CDH13: variants seen among roughly 807,000 people sequenced by gnomAD.
CDH13 encodes cadherin-13.
CDH13 carries 24 observed loss-of-function variants against 63.8 expected under a neutral mutation model. The ratio of observed to expected loss-of-function variants is 0.38; its 90% CI spans 0.27 to 0.53. The LOEUF is 0.53. CDH13 is among the 20% of genes least tolerant of loss of function. CDH13 has a pLI of 0.85. For synonymous variants in CDH13, 503 were observed against 355.3 expected, an observed-to-expected ratio of 1.42 and a Z score of -4.67; for missense variants, 1,049 against 903.1, an observed-to-expected ratio of 1.16 and a Z score of -2.07.
At chr16:83,292,964 A>T (rs1335770361) in intron 5 of CDH13, among the ~76,000 whole-genome samples, 1 of 152,194 alleles carries the variant, frequency 6.6e-6, no homozygotes, top group African/African-American at 2.4e-5. Context: ...GGTTTCTGGT[A>T]TTGGATAAAT....
At chr16:83,151,792 G>C (rs1052323505) in intron 4 of CDH13, among the ~76,000 whole-genome samples, 7 of 152,076 alleles carry the variant, frequency 4.6e-5, no homozygotes, top group African/African-American at 2.4e-5. Context: ...TGGTGAAACT[G>C]TCTCTCCTAA....
At chr16:83,483,315 A>G (rs2073815372) in intron 6 of CDH13, among the ~76,000 whole-genome samples, 1 of 152,190 alleles carries the variant, frequency 6.6e-6, no homozygotes, top group Non-Finnish European at 1.5e-5. Flanking sequence ...CCTGTTCCCT[A>G]ACAATCCATT....
At chr16:83,719,856 G>A (rs1469774684) in intron 10 of CDH13, among the ~76,000 whole-genome samples, 1 of 152,148 alleles carries the variant, frequency 6.6e-6, no homozygotes, top group East Asian at 1.9e-4. Flanking sequence ...TCACTGTGGG[G>A]CAGAATTTCC....
chr16:83,453,376 T>C (rs2072934270), intron 6 of CDH13, among the ~76,000 whole-genome samples: 1 of 151,076 alleles, frequency 6.6e-6, no homozygotes, highest in Non-Finnish European at 1.5e-5. Flanking sequence ...AACAAAAAAA[T>C]TAAAAATAAA....
chr16:83,079,593 C>G (rs1483228837), intron 3 of CDH13, among the ~76,000 whole-genome samples: 3 of 152,184 alleles, frequency 2.0e-5, no homozygotes, highest in Non-Finnish European at 4.4e-5. Context: ...GTAATTAACT[C>G]AAATTAGGTG....
intron 2 of CDH13, among the ~76,000 whole-genome samples, chr16:82,975,569 A>G (rs1459255319): frequency 3.9e-5 from 6 of 152,262 alleles, no homozygotes; most frequent in African/African-American, 9.6e-5. Context: ...AGTGAATGGT[A>G]TAGAGTTGGC....
At chr16:82,894,722 A>T (rs1485787263) in intron 2 of CDH13, among the ~76,000 whole-genome samples, 1 of 152,188 alleles carries the variant, frequency 6.6e-6, no homozygotes, top group Non-Finnish European at 1.5e-5. Context: ...AATAGAGACG[A>T]TGGGAAGTAA....
Position 83,795,078 on chromosome 16 carries a change from G to GAAA in CDH13, c.*57_*59dup. The GAAA allele has an allele frequency of 7.8e-7, 1 of 1,277,276 alleles. No individual in the cohort carries two copies. Among genetic ancestry groups the GAAA allele is most frequent in the Non-Finnish European group, 1.0e-6 (1 of 953,554 alleles). The allele number at this position is 1,277,276 out of a possible 1,614,324, so 79.1% of individuals were successfully genotyped here. A position where few individuals can be genotyped will look rare whatever the true frequency, so the allele number is the denominator to read the frequency against. Reference sequence around the variant, plus strand: ...GACTCCCAAGTTTCCATAGCAACAGGAAAAAAAAAAATCTATCCAAATCTG... The same window carrying GAAA: ...GACTCCCAAGTTTCCATAGCAACAGGAAAAAAAAAAAAAATCTATCCAAATCTG... On this transcript the variant is annotated 3_prime_UTR_variant, in exon 14 of 14. Coordinates refer to ENST00000567109, the MANE Select transcript of CDH13 (RefSeq NM_001257.5).
At chr16:83,448,896 A>G (rs888945655) in intron 6 of CDH13, among the ~76,000 whole-genome samples, 9 of 152,192 alleles carry the variant, frequency 5.9e-5, no homozygotes, top group Non-Finnish European at 1.2e-4. Context: ...GAGGTTACTG[A>G]TGACTTTCGA....
chr16:83,643,976 T>A (rs1911555810), intron 8 of CDH13, among the ~76,000 whole-genome samples: 1 of 152,212 alleles, frequency 6.6e-6, no homozygotes, highest in Non-Finnish European at 1.5e-5. Flanking sequence ...GGAACCTGCA[T>A]GTGGTTTGTC....
chr16:83,248,967 A>G (rs41444944), intron 5 of CDH13, among the ~76,000 whole-genome samples: 2,233 of 152,310 alleles, frequency 0.015, 44 homozygotes, highest in African/African-American at 0.05. Flanking sequence ...GGAAGTTATC[A>G]CCAGCTTTCA....
chr16:82,819,386 A>C (rs1444672948), intron 1 of CDH13, among the ~76,000 whole-genome samples: 1 of 152,156 alleles, frequency 6.6e-6, no homozygotes, highest in African/African-American at 2.4e-5. Context: ...CAAATGCTGG[A>C]ATTACTATGA....
At position 82,741,540 on chromosome 16, in the gene CDH13, T is replaced by C. The variant is rs537355727; in HGVS notation, c.45+114403T>C. Among the ~76,000 whole-genome samples the C allele has an allele frequency of 4.2e-4, 64 of 152,308 alleles. No homozygotes were observed. In the South Asian group the frequency reaches 7.0e-3, roughly 17 times the overall value. On this transcript the variant is annotated intron_variant, in intron 1 of 13. Transcript: ENST00000567109. ...TGCTAGCCTGTGAAATCCTTGAAGA[T>C]GGGGGTCCATGCCTCATTCATTTTC...
chr16:83,048,334 A>T (rs938485719), intron 3 of CDH13, among the ~76,000 whole-genome samples: 1 of 152,214 alleles, frequency 6.6e-6, no homozygotes, highest in African/African-American at 2.4e-5. Flanking sequence ...AGCCCAATAG[A>T]TGGGCAAAAG....
At chr16:83,440,805 G>A (rs987519014) in intron 6 of CDH13, among the ~76,000 whole-genome samples, 11 of 150,106 alleles carry the variant, frequency 7.3e-5, no homozygotes, top group East Asian at 3.9e-4. Flanking sequence ...AAAAAAAAGC[G>A]GGGGAGGGAG....
At chr16:83,497,825 G>A (rs1349386813) in intron 7 of CDH13, among the ~76,000 whole-genome samples, 2 of 152,190 alleles carry the variant, frequency 1.3e-5, no homozygotes, top group Admixed American at 1.3e-4. Context: ...ACTGACTGCA[G>A]CATGTTATCA....
intron 10 of CDH13, among the ~76,000 whole-genome samples, chr16:83,738,595 A>G (rs907499329): frequency 6.6e-6 from 1 of 152,164 alleles, no homozygotes; most frequent in Non-Finnish European, 1.5e-5. Context: ...GGGGGTTTCA[A>G]TATGTAGTCT....
At chr16:83,232,097 G>T (rs75005113) in intron 5 of CDH13, among the ~76,000 whole-genome samples, 1 of 151,828 alleles carries the variant, frequency 6.6e-6, no homozygotes, top group African/African-American at 2.4e-5. Context: ...ATAACTAATG[G>T]GTGCTAGGCT....
intron 8 of CDH13, 79 bp downstream of exon 8, chr16:83,602,673 G>A (rs1052640215): frequency 5.0e-6 from 7 of 1,392,032 alleles, no homozygotes; most frequent in Non-Finnish European, 7.1e-6. Context: ...ACGTACCACA[G>A]CACCTGCTGG....
Sources: allele counts gnomAD v4.1 joint callset (sites outside exome capture counted in the v4.1 genomes callset), GRCh38; gene constraint gnomAD v4.1.1; transcripts MANE v1.5; gene names NCBI Gene and HGNC (gene_info 2026-07-23, HGNC 2026-07-21).